RAPGEF4: variants seen among roughly 807,000 people sequenced by gnomAD.
RAPGEF4 encodes the protein Rap guanine nucleotide exchange factor 4, also known as RAP guanine-nucleotide-exchange factor (GEF) 4.
Under a neutral mutation model 147.9 loss-of-function variants are expected in RAPGEF4, and 66 were observed. The ratio of observed to expected loss-of-function variants is 0.45; its 90% confidence interval spans 0.37 to 0.55. The LOEUF (loss-of-function observed/expected upper bound fraction) is 0.55, where lower values mean the gene tolerates loss of function less well. RAPGEF4 is among the 20% of genes least tolerant of loss of function. The pLI is 0.00. For synonymous variants in RAPGEF4, 419 were observed against 442.7 expected (o/e 0.95, Z 0.67); for missense variants, 1,071 against 1,257.3 (o/e 0.85, Z 2.24).
rs530230486 is a variant in RAPGEF4 at position 172,801,515 on chromosome 2, A to G, written c.297+3902A>G. The stretch of plus-strand genomic sequence containing the variant: ...AGAAGAGCGGGAGTGGCTGCTGGCA[A>G]TGGGCGCCTATGACAGGAGGCTATG... On this transcript the variant is annotated intron_variant, in intron 3 of 30. Coordinates refer to ENST00000397081, the MANE Select transcript of RAPGEF4 (RefSeq NM_007023.4). Among the ~76,000 whole-genome samples, 19 of 152,252 alleles carry G rather than the reference A, an allele frequency of 1.2e-4. No homozygotes were observed. In the East Asian group the frequency reaches 3.1e-3, roughly 25 times the overall value.
chr2:172,925,889 G>A (rs1685274158), intron 6 of RAPGEF4, among the ~76,000 whole-genome samples: 1 of 142,948 alleles, frequency 7.0e-6, no homozygotes, highest in Non-Finnish European at 1.5e-5. Flanking sequence ...AGAAAAGAAA[G>A]GAAAGAAAGA....
At chr2:173,040,873 C>T (rs942944043) in intron 29 of RAPGEF4, among the ~76,000 whole-genome samples, 1 of 152,032 alleles carries the variant, frequency 6.6e-6, no homozygotes, top group Non-Finnish European at 1.5e-5. Flanking sequence ...AGTTCTATGG[C>T]ATACATGAAT....
chr2:172,973,098 T>G (rs961587172), intron 10 of RAPGEF4, among the ~76,000 whole-genome samples: 3 of 116,024 alleles, frequency 2.6e-5, no homozygotes, highest in African/African-American at 8.6e-5. Context: ...TTCAAGCCCC[T>G]TTTTTTTTCT....
chr2:172,783,391 A>G (rs1684867237), intron 1 of RAPGEF4, among the ~76,000 whole-genome samples: 1 of 152,220 alleles, frequency 6.6e-6, no homozygotes, highest in Non-Finnish European at 1.5e-5. Flanking sequence ...ACATAAAAGC[A>G]AGCGGGTATG....
chr2:172,997,854 A>G (rs1039871111), intron 16 of RAPGEF4, among the ~76,000 whole-genome samples: 2 of 152,194 alleles, frequency 1.3e-5, no homozygotes, highest in African/African-American at 2.4e-5. Flanking sequence ...TATACCTCCT[A>G]AAGGTATTTT....
At chr2:172,884,079 T>C (rs1039981351) in intron 4 of RAPGEF4, among the ~76,000 whole-genome samples, 2 of 152,188 alleles carry the variant, frequency 1.3e-5, no homozygotes, top group Non-Finnish European at 2.9e-5. Flanking sequence ...GCAATTTTGC[T>C]ACAACAGTGA....
rs1688314709 is a variant in RAPGEF4, at chr2:172,814,480, T to C, written c.444+55T>C. 14 of 1,572,158 alleles carry C rather than the reference T, an allele frequency of 8.9e-6. No homozygotes were observed. The East Asian group carries it at 2.9e-4, about 33-fold the overall frequency. On this transcript the variant is annotated intron_variant, in intron 4 of 30. Transcript: ENST00000397081. The stretch of plus-strand genomic sequence containing the variant: ...TGCAGTTTCAGAAAAGAAAGGGAGC[T>C]GCCACATGGATAATGGCATTACAGT...
chr2:173,036,746 A>AT (rs1445256360), intron 29 of RAPGEF4, 54 bp downstream of exon 29: 6 of 1,307,392 alleles, frequency 4.6e-6, no homozygotes, highest in African/African-American at 3.0e-5. Context: ...TAAAATTTGC[A>AT]TTTTTTCTAA....
At chr2:173,039,253 C>T (rs1295423408) in intron 29 of RAPGEF4, among the ~76,000 whole-genome samples, 1 of 150,806 alleles carries the variant, frequency 6.6e-6, no homozygotes, top group African/African-American at 2.4e-5. Flanking sequence ...GTCAGGAGAT[C>T]GAGACCATCC....
chr2:172,989,537 G>A (rs889932169), intron 14 of RAPGEF4, among the ~76,000 whole-genome samples: 2 of 152,302 alleles, frequency 1.3e-5, no homozygotes, highest in African/African-American at 4.8e-5. Context: ...AGGAATTTGT[G>A]AGTGTGGGTG....
In RAPGEF4 at chr2:173,050,809, G is replaced by A. The variant is rs868175114; in HGVS notation, c.2909-831G>A. On this transcript the variant is annotated intron_variant, in intron 30 of 30. Coordinates refer to ENST00000397081, the MANE Select transcript of RAPGEF4 (RefSeq NM_007023.4). ...TGGCAACTCTAGGCACAGATTCCCC[G>A]TGGCAGCAACATGCAGAAGCCAGGT... is the stretch of plus-strand genomic sequence containing the variant. Among the ~76,000 whole-genome samples the A allele has an allele frequency of 1.1e-4, 16 of 147,420 alleles. 1 individual carries two copies. Among genetic ancestry groups the A allele is most frequent in the Middle Eastern group, 3.7e-3 (1 of 272 alleles).
chr2:173,022,290 C>T (rs976559481), intron 23 of RAPGEF4, among the ~76,000 whole-genome samples: 1 of 152,198 alleles, frequency 6.6e-6, no homozygotes. Context: ...TGTTGGCACA[C>T]AGTCCTGCAG....
chr2:172,971,739 C>T (rs991411302), intron 10 of RAPGEF4, among the ~76,000 whole-genome samples: 3 of 151,124 alleles, frequency 2.0e-5, no homozygotes, highest in Non-Finnish European at 4.4e-5. Context: ...TCTACATGCA[C>T]GTACACACAT....
intron 23 of RAPGEF4, among the ~76,000 whole-genome samples, chr2:173,023,424 C>T (rs1696310397): frequency 6.6e-6 from 1 of 152,176 alleles, no homozygotes. Context: ...GACATTTCCA[C>T]AGGGCTATGT....
intron 6 of RAPGEF4, among the ~76,000 whole-genome samples, chr2:172,947,858 T>A (rs2105367510): frequency 1.3e-5 from 2 of 152,238 alleles, no homozygotes; most frequent in South Asian, 4.1e-4. Context: ...GCACACATCA[T>A]TTAGGTCAGT....
chr2:172,825,208 T>A (rs1442246959), intron 4 of RAPGEF4, among the ~76,000 whole-genome samples: 3 of 152,240 alleles, frequency 2.0e-5, no homozygotes, highest in Non-Finnish European at 2.9e-5. Context: ...TTAAATGTGC[T>A]CAGAACACTT....
intron 1 of RAPGEF4, among the ~76,000 whole-genome samples, chr2:172,761,277 C>G (rs1412553469): frequency 6.6e-6 from 1 of 151,960 alleles, no homozygotes; most frequent in East Asian, 1.9e-4. Flanking sequence ...AGGTGCCCAC[C>G]ACCACGCCTG....
chr2:172,846,402 G>C (rs142236990), intron 4 of RAPGEF4, among the ~76,000 whole-genome samples: 1 of 152,192 alleles, frequency 6.6e-6, no homozygotes, highest in Non-Finnish European at 1.5e-5. Context: ...ATCCATGATG[G>C]AGCATGTGTC....
At chr2:172,876,821 A>C (rs1291465332) in intron 4 of RAPGEF4, among the ~76,000 whole-genome samples, 2 of 152,316 alleles carry the variant, frequency 1.3e-5, no homozygotes, top group South Asian at 4.1e-4. Context: ...TTCAGAAGGA[A>C]TGGTACCAGC....
Sources: allele counts gnomAD v4.1 joint callset (sites outside exome capture counted in the v4.1 genomes callset), GRCh38; gene constraint gnomAD v4.1.1; transcripts MANE v1.5; gene names NCBI Gene and HGNC (gene_info 2026-07-23, HGNC 2026-07-21).